ZNF407: variants seen among roughly 807,000 people sequenced by gnomAD.
ZNF407 encodes zinc finger protein 407.
ZNF407 carries 17 observed loss-of-function variants against 131.2 expected under a neutral mutation model. The ratio of observed to expected loss-of-function variants is 0.13; its 90% CI spans 0.09 to 0.19. The LOEUF (loss-of-function observed/expected upper bound fraction) is 0.19, where lower values mean the gene tolerates loss of function less well. Ranked by LOEUF, ZNF407 falls within the 10% of genes least tolerant of loss-of-function variation. ZNF407 has a pLI of 1.00. For missense variants in ZNF407, 2,681 were observed against 2,830.6 expected, an observed-to-expected ratio of 0.95 and a Z score of 1.20; for synonymous variants, 1,156 against 1,062.0, an observed-to-expected ratio of 1.09 and a Z score of -1.72.
At chr18:74,878,731 G>C (rs1044560266) in intron 5 of ZNF407, among the ~76,000 whole-genome samples, 1 of 151,984 alleles carries the variant, frequency 6.6e-6, no homozygotes, top group Non-Finnish European at 1.5e-5. Flanking sequence ...ACAAAAAGAA[G>C]TCTCCCATTA....
At chr18:74,605,674 A>C (rs564761170) in intron 1 of ZNF407, among the ~76,000 whole-genome samples, 1 of 152,250 alleles carries the variant, frequency 6.6e-6, no homozygotes, top group African/African-American at 2.4e-5. Flanking sequence ...TTCTATATAC[A>C]TGTTAAGAAA....
chr18:74,713,358 CTTTTTTTTTTT>C (rs5826345), intron 3 of ZNF407, among the ~76,000 whole-genome samples: 8 of 84,478 alleles, frequency 9.5e-5, no homozygotes, highest in Non-Finnish European at 1.3e-4. Flanking sequence ...ATTTTAGCAT[CTTTTTTTTTTT>C]TTTTTTTTTT....
At chr18:75,060,695 CG>C (rs1173593751) in intron 8 of ZNF407, among the ~76,000 whole-genome samples, 1 of 151,700 alleles carries the variant, frequency 6.6e-6, no homozygotes. Context: ...TTAGTAGAGA[CG>C]GGGTTTCACC....
chr18:74,598,436 C>T (rs1335221319), intron 1 of ZNF407: 1 of 152,346 alleles, frequency 6.6e-6, no homozygotes, highest in Admixed American at 6.5e-5. Flanking sequence ...CCGGGTTGCT[C>T]TCAAGTGGAA....
chr18:75,020,437 C>T (rs1000925098), intron 8 of ZNF407, among the ~76,000 whole-genome samples: 4 of 152,020 alleles, frequency 2.6e-5, no homozygotes, highest in Non-Finnish European at 5.9e-5. Flanking sequence ...CAATGTGAAA[C>T]TTTTTCCTGG....
At position 74,824,768 on chromosome 18, in the gene ZNF407, G is replaced by A. The variant is rs562996536; in HGVS notation, c.4877+43266G>A. Reference sequence around the variant, plus strand: ...TCCAGGAACAGACGGATTCACAGCCGAATTCTACCAGAGGTACCAAGAAGA... The same window carrying A: ...TCCAGGAACAGACGGATTCACAGCCAAATTCTACCAGAGGTACCAAGAAGA... On this transcript the variant is annotated intron_variant, in intron 4 of 8. Coordinates refer to ENST00000299687, the MANE Select transcript of ZNF407 (RefSeq NM_017757.3). 7.9e-5 allele frequency among the ~76,000 whole-genome samples: 12 copies of A among 152,276 alleles called. No homozygotes were observed. In the East Asian group the frequency reaches 9.7e-4, roughly 12 times the overall value.
chr18:74,743,008 G>C (rs1568193186), intron 3 of ZNF407, among the ~76,000 whole-genome samples: 1 of 152,144 alleles, frequency 6.6e-6, no homozygotes, highest in Non-Finnish European at 1.5e-5. Context: ...GAAGATGATA[G>C]ATTCAGGGGT....
chr18:74,725,949 CTG>C (rs1311040841), intron 3 of ZNF407, among the ~76,000 whole-genome samples: 2 of 152,230 alleles, frequency 1.3e-5, no homozygotes, highest in East Asian at 3.9e-4. Flanking sequence ...TCTATTATGA[CTG>C]TGTAATGTTT....
At chr18:74,915,221 A>C (rs758974423) in intron 7 of ZNF407, among the ~76,000 whole-genome samples, 3 of 152,262 alleles carry the variant, frequency 2.0e-5, no homozygotes, top group East Asian at 3.9e-4. Context: ...GGCCAGGAGG[A>C]GTCACACCAG....
At chr18:74,732,831 TGTGA>T (rs1459818699) in intron 3 of ZNF407, among the ~76,000 whole-genome samples, 1 of 152,186 alleles carries the variant, frequency 6.6e-6, no homozygotes, top group Non-Finnish European at 1.5e-5. Flanking sequence ...TATTTTAAAA[TGTGA>T]GTGTTTACAT....
chr18:74,693,236 C>G (rs1967272362), intron 3 of ZNF407, among the ~76,000 whole-genome samples: 1 of 152,226 alleles, frequency 6.6e-6, no homozygotes, highest in African/African-American at 2.4e-5. Flanking sequence ...ATGATCTCAG[C>G]TTTCTGATGG....
intron 7 of ZNF407, among the ~76,000 whole-genome samples, chr18:74,916,600 GGTT>G (rs1393722495): frequency 1.7e-5 from 2 of 116,824 alleles, no homozygotes; most frequent in Non-Finnish European, 3.4e-5. Context: ...GGTATGGTGA[GGTT>G]GTATGCAGCA....
chr18:74,935,477 T>C (rs1013280731), intron 8 of ZNF407, among the ~76,000 whole-genome samples: 5 of 152,214 alleles, frequency 3.3e-5, no homozygotes, highest in African/African-American at 1.2e-4. Flanking sequence ...AGCTTCTTGC[T>C]GAAATCGGGG....
chr18:74,768,234 C>T (rs1435233044), intron 3 of ZNF407, among the ~76,000 whole-genome samples: 1 of 152,174 alleles, frequency 6.6e-6, no homozygotes, highest in African/African-American at 2.4e-5. Context: ...TACCCAAGAA[C>T]ATTTCTCCCT....
chr18:74,644,220 TAAAA>T (rs1984862790), intron 3 of ZNF407, among the ~76,000 whole-genome samples: 2 of 150,760 alleles, frequency 1.3e-5, no homozygotes, highest in African/African-American at 4.9e-5. Flanking sequence ...TCTTACTTGT[TAAAA>T]ATATCCAAAT....
intron 1 of ZNF407, among the ~76,000 whole-genome samples, chr18:74,614,277 T>G (rs1473084139): frequency 6.6e-6 from 1 of 152,194 alleles, no homozygotes; most frequent in African/African-American, 2.4e-5. Flanking sequence ...CAAAATCTGA[T>G]TTTCAATATG....
intron 1 of ZNF407, among the ~76,000 whole-genome samples, chr18:74,622,769 TGA>T (rs562275017): frequency 7.6e-4 from 116 of 152,084 alleles, no homozygotes; most frequent in African/African-American, 9.6e-4. Flanking sequence ...TATTTGTGTG[TGA>T]GAGTGCGCGT....
At chr18:75,010,830 A>T (rs1311230964) in intron 8 of ZNF407, among the ~76,000 whole-genome samples, 2 of 152,162 alleles carry the variant, frequency 1.3e-5, no homozygotes, top group Non-Finnish European at 2.9e-5. Context: ...ATGTTTTCCT[A>T]AAGGAAAAAG....
intron 7 of ZNF407, among the ~76,000 whole-genome samples, chr18:74,903,197 C>T (rs1234308855): frequency 1.3e-5 from 2 of 152,146 alleles, no homozygotes; most frequent in African/African-American, 4.8e-5. Context: ...AGCCAGCTTC[C>T]GGCTTGAACT....
Sources: allele counts gnomAD v4.1 joint callset (sites outside exome capture counted in the v4.1 genomes callset), GRCh38; gene constraint gnomAD v4.1.1; transcripts MANE v1.5; gene names NCBI Gene and HGNC (gene_info 2026-07-23, HGNC 2026-07-21).